Variants in RCSD1 observed in about 807,000 individuals in gnomAD.
The protein encoded by RCSD1 is RCSD domain containing 1.
A neutral mutation model predicts 42.5 loss-of-function variants in RCSD1; 26 were observed. The observed-to-expected ratio is 0.61, with a 90% CI of 0.45 to 0.85. RCSD1 has a LOEUF of 0.85. Ranked by LOEUF, RCSD1 falls within the 40% of genes least tolerant of loss-of-function variation. The pLI is 0.00. For missense variants in RCSD1, 571 were observed against 528.3 expected (o/e 1.08, Z -0.79); for synonymous variants, 220 against 212.2 (o/e 1.04, Z -0.32).
rs142207926 is a variant in RCSD1 at position 167,682,727 on chromosome 1, G to A, written c.7-1173G>A. ...TGTGTGTGTACAAGGGAGTAAGCTC[G>A]CTGCTGGAGGGAAGCATCCTTTGTT... is the stretch of plus-strand genomic sequence containing the variant. On this transcript the variant is annotated intron_variant, in intron 1 of 6. Coordinates refer to ENST00000367854, the MANE Select transcript of RCSD1 (RefSeq NM_052862.4). Among the ~76,000 whole-genome samples, 258 of 148,910 alleles carry A rather than the reference G, an allele frequency of 1.7e-3. 1 individual carries two copies. The highest frequency in any genetic ancestry group is 0.013 in the East Asian group (66 of 4,954).
intron 1 of RCSD1, among the ~76,000 whole-genome samples, chr1:167,662,565 T>C (rs1313081866): frequency 1.3e-5 from 2 of 152,244 alleles, no homozygotes; most frequent in Non-Finnish European, 2.9e-5. Flanking sequence ...GGACACCTCC[T>C]AGGCTATTTG....
At chr1:167,694,911 G>A (rs951026876) in intron 5 of RCSD1, among the ~76,000 whole-genome samples, 1 of 152,204 alleles carries the variant, frequency 6.6e-6, no homozygotes, top group Non-Finnish European at 1.5e-5. Context: ...GAGGAGGTAA[G>A]GATCAGAGAT....
rs10607777 is a variant in RCSD1, at chr1:167,682,668, AGTGTGTGT to A, written c.7-1197_7-1190del. ...TAGCACAAAAGGAGGGCCATGGAAG[AGTGTGTGT>A]GTGTGTGTGTGTGTGTGTGTGTGTG... is the stretch of plus-strand genomic sequence containing the variant. On this transcript the variant is annotated intron_variant, in intron 1 of 6. Transcript: ENST00000367854. 4.6e-3 allele frequency among the ~76,000 whole-genome samples: 654 copies of A among 142,690 alleles called. 3 individuals carry two copies. Among genetic ancestry groups the A allele is most frequent in the African/African-American group, 0.014 (538 of 38,400 alleles). 93.6% of individuals were successfully genotyped at this position (142,690 alleles called of 152,430 possible).
At chr1:167,690,216 G>A in intron 4 of RCSD1, 96 bp downstream of exon 4, 1 of 1,089,696 alleles carries the variant, frequency 9.2e-7, no homozygotes, top group East Asian at 2.4e-5. Context: ...GGTAGCCTAT[G>A]TGTCACCTGC....
At chr1:167,671,560 G>A (rs1028590783) in intron 1 of RCSD1, among the ~76,000 whole-genome samples, 1 of 152,162 alleles carries the variant, frequency 6.6e-6, no homozygotes, top group African/African-American at 2.4e-5. Flanking sequence ...TGAACCCAGT[G>A]AAAAGATCTT....
intron 1 of RCSD1, among the ~76,000 whole-genome samples, chr1:167,634,380 T>G (rs916982588): frequency 1.1e-5 from 1 of 86,976 alleles, no homozygotes; most frequent in African/African-American, 4.0e-5. Context: ...AAGATCAGGG[T>G]TTTTTTTTTT....
Position 167,634,593 on chromosome 1 carries a change from C to T in RCSD1, c.6+4164C>T, listed in dbSNP as rs544797893. 2.0e-5 allele frequency among the ~76,000 whole-genome samples: 3 copies of T among 152,298 alleles called. No individual in the cohort carries two copies. The East Asian group carries it at 5.8e-4, about 29-fold the overall frequency. On this transcript the variant is annotated intron_variant, in intron 1 of 6. Transcript: ENST00000367854. Reference sequence around the variant, plus strand: ...GTATGATGTCACATTTAAGTTAATACTGTTAGTCACTTAAATATAAATTGT... The same window carrying T: ...GTATGATGTCACATTTAAGTTAATATTGTTAGTCACTTAAATATAAATTGT...
intron 1 of RCSD1, among the ~76,000 whole-genome samples, chr1:167,649,038 T>C (rs78208768): frequency 6.6e-6 from 1 of 152,050 alleles, no homozygotes; most frequent in Non-Finnish European, 1.5e-5. Context: ...AACAGTTTGG[T>C]TAAGTATTCT....
At position 167,706,049 on chromosome 1, in the gene RCSD1, T is replaced by G. The variant is rs1218092914; in HGVS notation, c.*1353T>G. 1 of 152,230 alleles carries G rather than the reference T, an allele frequency of 6.6e-6. No homozygotes were observed. The highest frequency in any genetic ancestry group is 2.4e-5 in the African/African-American group (1 of 41,464). 9.4% of individuals were successfully genotyped at this position (152,230 alleles called of 1,614,324 possible). ...AACAGTCTGTCAGACAAAAAGGCCT[T>G]ATGTCACCACTGGTACCTCAGTTTC... On this transcript the variant is annotated 3_prime_UTR_variant, in exon 7 of 7. Transcript: ENST00000367854.
chr1:167,677,897 G>A (rs892476566), intron 1 of RCSD1, among the ~76,000 whole-genome samples: 15 of 152,278 alleles, frequency 9.9e-5, no homozygotes, highest in African/African-American at 2.4e-4. Context: ...GGGGTATGTC[G>A]CTTTTTAATC....
chr1:167,690,842 A>C (rs969766454), intron 4 of RCSD1, among the ~76,000 whole-genome samples: 2 of 152,104 alleles, frequency 1.3e-5, no homozygotes, highest in African/African-American at 4.8e-5. Flanking sequence ...AGTCTGGACA[A>C]ATTTGTTATT....
chr1:167,683,219 T>A (rs951823726), intron 1 of RCSD1, among the ~76,000 whole-genome samples: 2 of 152,212 alleles, frequency 1.3e-5, no homozygotes, highest in Non-Finnish European at 2.9e-5. Flanking sequence ...AGCCAGGCCT[T>A]GTCCCAGCCC....
intron 1 of RCSD1, among the ~76,000 whole-genome samples, chr1:167,677,557 T>A (rs1187153150): frequency 6.6e-6 from 1 of 152,106 alleles, no homozygotes. Context: ...TTTTAAAAGG[T>A]GTGGGTAGAT....
rs1457561983 is a variant in RCSD1, at chr1:167,630,758, G to C, written c.6+329G>C. ...AAAAAAAAAAAAAAAAAAAAAGTTA[G>C]GTGCAGCCAAGGTTTGTAAATGGGT... On this transcript the variant is annotated intron_variant, in intron 1 of 6. Coordinates refer to ENST00000367854, the MANE Select transcript of RCSD1 (RefSeq NM_052862.4). 1.6e-5 allele frequency: 2 copies of C among 124,364 alleles called. 1 individual carries two copies. The highest frequency in any genetic ancestry group is 8.4e-4 in the South Asian group (2 of 2,370). 7.7% of individuals were successfully genotyped at this position (124,364 alleles called of 1,614,324 possible).
chr1:167,645,332 G>A (rs767642485), intron 1 of RCSD1, among the ~76,000 whole-genome samples: 11 of 152,184 alleles, frequency 7.2e-5, no homozygotes, highest in Non-Finnish European at 1.3e-4. Context: ...TATTTATTGG[G>A]CCTACTGTAT....
At chr1:167,632,607 A>G (rs1657732381) in intron 1 of RCSD1, among the ~76,000 whole-genome samples, 1 of 151,722 alleles carries the variant, frequency 6.6e-6, no homozygotes, top group Admixed American at 6.6e-5. Context: ...TACCAAAATC[A>G]CTCCCGTGCT....
At chr1:167,691,230 C>T (rs1052295100) in intron 4 of RCSD1, among the ~76,000 whole-genome samples, 1 of 152,202 alleles carries the variant, frequency 6.6e-6, no homozygotes, top group African/African-American at 2.4e-5. Context: ...TGTCTCTAGA[C>T]ATTGTCAATG....
At chr1:167,686,516 G>A (rs973055280) in intron 3 of RCSD1, among the ~76,000 whole-genome samples, 4 of 152,134 alleles carry the variant, frequency 2.6e-5, no homozygotes, top group African/African-American at 4.8e-5. Flanking sequence ...GAAACTCATC[G>A]CTGCCCCAGG....
chr1:167,673,787 G>A lies in RCSD1; in HGVS notation c.7-10113G>A, dbSNP rs1347018808. On this transcript the variant is annotated intron_variant, in intron 1 of 6. Transcript: ENST00000367854. ...CCCTTCCATGCTTTTGACACTTTGCGTGTACCAGCCAGCCCCTGTGCCTAC... is the reference window on the plus strand; with the variant it reads ...CCCTTCCATGCTTTTGACACTTTGCATGTACCAGCCAGCCCCTGTGCCTAC... Among the ~76,000 whole-genome samples, 9 of 152,024 alleles carry A rather than the reference G, an allele frequency of 5.9e-5. No individual in the cohort carries two copies. In the South Asian group the frequency reaches 8.3e-4, roughly 14 times the overall value.
Sources: allele counts gnomAD v4.1 joint callset (sites outside exome capture counted in the v4.1 genomes callset), GRCh38; gene constraint gnomAD v4.1.1; transcripts MANE v1.5; gene names NCBI Gene and HGNC (gene_info 2026-07-23, HGNC 2026-07-21).